RFT1: variants seen among roughly 807,000 people sequenced by gnomAD.
RFT1 encodes the protein man(5)GlcNAc(2)-PP-dolichol translocation protein RFT1.
In RFT1, 43 loss-of-function variants were observed where a neutral mutation model predicts 62.2. That is an observed-to-expected ratio of 0.69 (90% CI 0.54 to 0.89). The LOEUF (loss-of-function observed/expected upper bound fraction) is 0.89. Among genes scored for constraint, RFT1 ranks in the 40% least tolerant of loss-of-function variants. The pLI is 0.00. For missense variants in RFT1, 605 were observed against 649.9 expected (o/e 0.93, Z 0.75); for synonymous variants, 262 against 264.6 (o/e 0.99, Z 0.10).
chr3:53,124,332 G>A (rs1277198047), intron 2 of RFT1, among the ~76,000 whole-genome samples: 1 of 152,176 alleles, frequency 6.6e-6, no homozygotes, highest in Non-Finnish European at 1.5e-5. Context: ...AGGCGTGCCT[G>A]GGTACCTCCC....
In RFT1 at chr3:53,089,224, C is replaced by G. The variant is rs1482140640; in HGVS notation, c.*2679G>C. 6.6e-6 allele frequency: 1 copy of G among 152,374 alleles called. No homozygotes were observed. The highest frequency in any genetic ancestry group is 1.5e-5 in the Non-Finnish European group (1 of 68,196). 9.4% of individuals were successfully genotyped at this position (152,374 alleles called of 1,614,324 possible). A position where few individuals can be genotyped will look rare whatever the true frequency, so the allele number is the denominator to read the frequency against. ...TGGGAACAGGGCAGAGTAGCGGTTC[C>G]AGAGCCAGAAGTTGCCATCAGGTAA... On this transcript the variant is annotated 3_prime_UTR_variant, in exon 13 of 13. Transcript: ENST00000296292.
chr3:53,092,641 A>T, intron 11 of RFT1, 23 bp from the exon 12 acceptor site: 5 of 1,606,414 alleles, frequency 3.1e-6, no homozygotes, highest in Admixed American at 1.7e-5. Flanking sequence ...CAGGAAAAGG[A>T]GGGCAGTGGT....
chr3:53,073,214 G>C, the RFT1 span, among the ~76,000 whole-genome samples: 9 of 152,228 alleles, frequency 5.9e-5, no homozygotes, highest in Non-Finnish European at 1.2e-4. Flanking sequence ...CTCTGCCCAG[G>C]CTGGGTTCCG....
intron 11 of RFT1, among the ~76,000 whole-genome samples, chr3:53,094,349 A>ACG (rs200321046): frequency 0.037 from 973 of 26,056 alleles, 28 homozygotes; most frequent in Admixed American, 0.27. Context: ...AAAATACTAC[A>ACG]CGCACACACA....
At chr3:53,081,883 C>G in the RFT1 span, among the ~76,000 whole-genome samples, 2 of 151,988 alleles carry the variant, frequency 1.3e-5, no homozygotes, top group African/African-American at 4.8e-5. Context: ...GAAAAATAAG[C>G]CATGGAAGGT....
At chr3:53,072,384 A>G in the RFT1 span, among the ~76,000 whole-genome samples, 2 of 152,104 alleles carry the variant, frequency 1.3e-5, no homozygotes, top group East Asian at 3.9e-4. Flanking sequence ...GACAACATGC[A>G]CTGACCCCCC....
chr3:53,121,562 A>T (rs967078941), intron 5 of RFT1, 137 bp downstream of exon 5: 16 of 736,336 alleles, frequency 2.2e-5, no homozygotes, highest in Non-Finnish European at 3.4e-5. Context: ...AGCAGTGCTA[A>T]GGCCACCCTT....
the RFT1 span, among the ~76,000 whole-genome samples, chr3:53,070,279 G>A: frequency 6.5e-4 from 99 of 152,042 alleles, no homozygotes; most frequent in Non-Finnish European, 1.0e-3. Context: ...GCTGGGTGCG[G>A]TGGCTGACGC....
At chr3:53,105,200 A>G (rs9829303) in intron 9 of RFT1, among the ~76,000 whole-genome samples, 149,927 of 152,336 alleles carry the variant, frequency 0.98, 73,829 homozygotes, top group Middle Eastern at 1. Context: ...GACTGCCTGA[A>G]GTCAGGAGTT....
At chr3:53,121,566 C>T in intron 5 of RFT1, 133 bp downstream of exon 5, 2 of 748,526 alleles carry the variant, frequency 2.7e-6, no homozygotes, top group Admixed American at 2.1e-5. Context: ...GTGCTAAGGC[C>T]ACCCTTCTGG....
At chr3:53,112,880 GA>G (rs1412656358) in intron 6 of RFT1, among the ~76,000 whole-genome samples, 1 of 152,190 alleles carries the variant, frequency 6.6e-6, no homozygotes, top group Non-Finnish European at 1.5e-5. Flanking sequence ...GCACAAAATG[GA>G]AGAGCAAGGC....
intron 3 of RFT1, 38 bp from the exon 4 acceptor site, chr3:53,122,601 AATAAAT>A (rs1702002645): frequency 2.3e-6 from 3 of 1,277,336 alleles, no homozygotes; most frequent in East Asian, 5.3e-5. Context: ...TAAATTTTAA[AATAAAT>A]ATAAATATAT....
the RFT1 span, chr3:53,077,704 C>T: frequency 6.6e-6 from 1 of 152,258 alleles, no homozygotes; most frequent in Admixed American, 6.5e-5. Flanking sequence ...CAGGTGCACA[C>T]TCCCAGCGGC....
chr3:53,124,592 A>G (rs1223890587), intron 2 of RFT1, among the ~76,000 whole-genome samples: 2 of 152,172 alleles, frequency 1.3e-5, no homozygotes, highest in Admixed American at 1.3e-4. Context: ...GGACCTGCCA[A>G]TCTCAGGAAG....
At position 53,111,841 on chromosome 3, in the gene RFT1, A is replaced by C. The variant is rs1473677944; in HGVS notation, c.764T>G (p.Ile255Ser). ...SFFKQSFLKQ[I>S]LTEGERYVMT... is the part of the protein sequence containing the mutation. ...GACCGTCTACTTACCTTCTGTCAAAATCTGTTTCAAGAAAGACTGTTTGAA... is the reference window on the plus strand; with the variant it reads ...GACCGTCTACTTACCTTCTGTCAAACTCTGTTTCAAGAAAGACTGTTTGAA... Residue 255 changes from isoleucine to serine, a missense_variant, in exon 7 of 13, where the codon ATT becomes AGT. Transcript: ENST00000296292. 6.2e-7 allele frequency: 1 copy of C among 1,613,902 alleles called. No homozygotes were observed. Among genetic ancestry groups the C allele is most frequent in the Non-Finnish European group, 8.5e-7 (1 of 1,179,760 alleles).
At chr3:53,077,152 G>T in the RFT1 span, among the ~76,000 whole-genome samples, 1 of 152,132 alleles carries the variant, frequency 6.6e-6, no homozygotes, top group Non-Finnish European at 1.5e-5. Context: ...GATCAAAAGA[G>T]AAATTAAATA....
Position 53,090,974 on chromosome 3 carries a change from T to A in RFT1, c.*929A>T. 6.6e-6 allele frequency: 1 copy of A among 152,248 alleles called. No individual in the cohort carries two copies. Among genetic ancestry groups the A allele is most frequent in the Non-Finnish European group, 1.5e-5 (1 of 68,058 alleles). 9.4% of individuals were successfully genotyped at this position (152,248 alleles called of 1,614,324 possible). On this transcript the variant is annotated 3_prime_UTR_variant, in exon 13 of 13. Coordinates refer to ENST00000296292, the MANE Select transcript of RFT1 (RefSeq NM_052859.4). Reference sequence around the variant, plus strand: ...GGTCAACGGGAGGGACCTGACTCAGTAATACTAGCCATATAGAGTTTGCCT... The same window carrying A: ...GGTCAACGGGAGGGACCTGACTCAGAAATACTAGCCATATAGAGTTTGCCT...
chr3:53,130,377 G>C lies in RFT1; in HGVS notation c.24C>G (p.Gly8=), dbSNP rs2107183365. 1.3e-6 allele frequency: 2 copies of C among 1,562,212 alleles called. No homozygotes were observed. Among genetic ancestry groups the C allele is most frequent in the Admixed American group, 1.9e-5 (1 of 52,710 alleles). The part of the protein sequence containing the change: MGSQEVL[G]HAARLASSGL... ...CGGAGGAGGCCAGCCGGGCCGCGTG[G>C]CCCAGCACCTCCTGGCTGCCCATAG... Residue 8 remains glycine, a synonymous_variant, in exon 1 of 13, where the codon GGC becomes GGG. Coordinates refer to ENST00000296292, the MANE Select transcript of RFT1 (RefSeq NM_052859.4).
intron 10 of RFT1, among the ~76,000 whole-genome samples, chr3:53,100,461 G>A (rs1701279402): frequency 6.6e-6 from 1 of 152,020 alleles, no homozygotes; most frequent in South Asian, 2.1e-4. Flanking sequence ...GAACACACAT[G>A]TTCACAAAAA....
Sources: gnomAD v4.1 joint callset for allele counts (sites outside exome capture counted in the v4.1 genomes callset) on GRCh38, gnomAD v4.1.1 for gene constraint, MANE v1.5 for transcripts, NCBI Gene and HGNC (gene_info 2026-07-23, HGNC 2026-07-21) for gene names.